Variants in RASAL2 observed in about 807,000 individuals in gnomAD.
RASAL2 encodes the protein RAS protein activator like 2.
RASAL2 carries 58 observed loss-of-function variants against 128.9 expected under a neutral mutation model. That is an observed-to-expected ratio of 0.45 (90% CI 0.36 to 0.56). The LOEUF is 0.56. Among genes scored for constraint, RASAL2 ranks in the 20% least tolerant of loss-of-function variants. The pLI is 0.00. For missense variants in RASAL2, 1,360 were observed against 1,601.6 expected (o/e 0.85, Z 2.57); for synonymous variants, 561 against 580.8 (o/e 0.97, Z 0.49).
intron 1 of RASAL2, among the ~76,000 whole-genome samples, chr1:178,259,516 G>A (rs1328117641): frequency 1.3e-5 from 2 of 152,196 alleles, no homozygotes; most frequent in African/African-American, 2.4e-5. Context: ...TATGTGCTAT[G>A]TTAGTTGTAT....
At chr1:178,303,859 G>A (rs562899378) in intron 3 of RASAL2, among the ~76,000 whole-genome samples, 1 of 152,188 alleles carries the variant, frequency 6.6e-6, no homozygotes, top group African/African-American at 2.4e-5. Context: ...CATCCTGTCT[G>A]ATTCCGTTTA....
chr1:178,365,454 ATGT>A (rs1671348579), intron 3 of RASAL2, among the ~76,000 whole-genome samples: 1 of 151,230 alleles, frequency 6.6e-6, no homozygotes. Context: ...ATGTTATGTT[ATGT>A]TATGTTATGT....
chr1:178,442,830 C>T lies in RASAL2; in HGVS notation c.1083C>T (p.Gly361=), dbSNP rs765133978. Residue 361 remains glycine, a synonymous_variant, in exon 8 of 18, where the codon GGC becomes GGT. Transcript: ENST00000367649. Reference sequence around the variant, plus strand: ...CCAAAGCAGACAATATTTTCTGGGGCGAACATTTTGAATTCTTCAGCCTTC... The same window carrying T: ...CCAAAGCAGACAATATTTTCTGGGGTGAACATTTTGAATTCTTCAGCCTTC... ...SKTKADNIFW[G]EHFEFFSLPP... 8.1e-5 allele frequency: 130 copies of T among 1,613,638 alleles called. 1 individual carries two copies. The East Asian group carries it at 2.3e-3, about 29-fold the overall frequency.
chr1:178,367,731 G>GAGT (rs1671478237), intron 3 of RASAL2, among the ~76,000 whole-genome samples: 1 of 152,142 alleles, frequency 6.6e-6, no homozygotes, highest in African/African-American at 2.4e-5. Context: ...GAAACTAAAG[G>GAGT]AGTAGAAGGA....
intron 1 of RASAL2, among the ~76,000 whole-genome samples, chr1:178,248,499 A>G (rs539859490): frequency 6.6e-6 from 1 of 152,104 alleles, no homozygotes; most frequent in African/African-American, 2.4e-5. Context: ...CCCTTTATCT[A>G]GTTTACCGGT....
At chr1:178,365,380 A>G (rs1242340550) in intron 3 of RASAL2, among the ~76,000 whole-genome samples, 1 of 152,196 alleles carries the variant, frequency 6.6e-6, no homozygotes, top group Non-Finnish European at 1.5e-5. Flanking sequence ...TACATGTACA[A>G]AGGAGTATCA....
At chr1:178,372,500 C>T (rs150802308) in intron 3 of RASAL2, among the ~76,000 whole-genome samples, 1 of 152,204 alleles carries the variant, frequency 6.6e-6, no homozygotes, top group African/African-American at 2.4e-5. Context: ...GAAATAATGC[C>T]ACCAACACTA....
chr1:178,399,954 C>T (rs1277535594), intron 4 of RASAL2, among the ~76,000 whole-genome samples: 1 of 152,190 alleles, frequency 6.6e-6, no homozygotes, highest in African/African-American at 2.4e-5. Flanking sequence ...TAGCTCTCTA[C>T]GATTCCATGC....
At chr1:178,451,438 C>A in intron 9 of RASAL2, 133 bp from the exon 10 acceptor site, 9 of 944,752 alleles carry the variant, frequency 9.5e-6, no homozygotes, top group Non-Finnish European at 1.4e-5. Flanking sequence ...CATGGGCCAT[C>A]TTTTGTGCCC....
At chr1:178,148,891 A>G (rs1182804608) in intron 1 of RASAL2, among the ~76,000 whole-genome samples, 1 of 152,000 alleles carries the variant, frequency 6.6e-6, no homozygotes, top group African/African-American at 2.4e-5. Flanking sequence ...AATTTTGTAA[A>G]CTGTTTTGTT....
At chr1:178,373,274 C>CTTTTTTTTTTTTGTTTTTTTTTTTTTTTT (rs1671815308) in intron 3 of RASAL2, among the ~76,000 whole-genome samples, 1 of 60,072 alleles carries the variant, frequency 1.7e-5, no homozygotes, top group Non-Finnish European at 3.0e-5. Context: ...TGTTTCTTTC[C>CTTTTTTTTTTTTGTTTTTTTTTTTTTTTT]TTTTTTTTTT....
intron 1 of RASAL2, among the ~76,000 whole-genome samples, chr1:178,213,167 C>T (rs1255568869): frequency 6.6e-6 from 1 of 152,102 alleles, no homozygotes; most frequent in Non-Finnish European, 1.5e-5. Context: ...TCTGGAGTAG[C>T]TGGGACTACA....
At chr1:178,290,340 C>T (rs1209197074) in intron 2 of RASAL2, among the ~76,000 whole-genome samples, 1 of 152,168 alleles carries the variant, frequency 6.6e-6, no homozygotes, top group African/African-American at 2.4e-5. Flanking sequence ...TCTATCCTTT[C>T]TTTCCATGAT....
At chr1:178,242,193 C>T (rs1487661497) in intron 1 of RASAL2, among the ~76,000 whole-genome samples, 1 of 152,092 alleles carries the variant, frequency 6.6e-6, no homozygotes, top group African/African-American at 2.4e-5. Flanking sequence ...CTGCCTTCCC[C>T]ACTTTTAAGT....
intron 5 of RASAL2, among the ~76,000 whole-genome samples, chr1:178,426,060 C>A (rs377061286): frequency 6.6e-6 from 1 of 152,068 alleles, no homozygotes. Flanking sequence ...AATTGAACCA[C>A]CCTGGAGAAA....
chr1:178,187,421 C>T (rs897732736), intron 1 of RASAL2, among the ~76,000 whole-genome samples: 1 of 152,178 alleles, frequency 6.6e-6, no homozygotes, highest in Non-Finnish European at 1.5e-5. Flanking sequence ...CTTGTTAGCA[C>T]ATTGAATATG....
intron 3 of RASAL2, among the ~76,000 whole-genome samples, chr1:178,369,302 A>C (rs546259706): frequency 1.5e-4 from 23 of 151,814 alleles, no homozygotes; most frequent in Admixed American, 1.2e-3. Context: ...GCTTACTGCA[A>C]CCTCTGCCTC....
intron 1 of RASAL2, among the ~76,000 whole-genome samples, chr1:178,160,346 A>G (rs1453893207): frequency 6.6e-6 from 1 of 152,174 alleles, no homozygotes; most frequent in Non-Finnish European, 1.5e-5. Context: ...TATTAAACCT[A>G]TTGTGTCGCT....
chr1:178,145,554 CAAA>C (rs10645696), intron 1 of RASAL2, among the ~76,000 whole-genome samples: 1 of 123,922 alleles, frequency 8.1e-6, no homozygotes. Flanking sequence ...GTGACTTTGA[CAAA>C]AAAAAAAAAA....
Sources: gnomAD v4.1 joint callset for allele counts (sites outside exome capture counted in the v4.1 genomes callset) on GRCh38, gnomAD v4.1.1 for gene constraint, MANE v1.5 for transcripts, NCBI Gene and HGNC (gene_info 2026-07-23, HGNC 2026-07-21) for gene names.